Variants in DDC observed in about 807,000 individuals in gnomAD.
DDC encodes the protein aromatic-L-amino-acid decarboxylase.
In DDC, 43 loss-of-function variants were observed where a neutral mutation model predicts 60.0. The ratio of observed to expected loss-of-function variants is 0.72; its 90% CI spans 0.56 to 0.92. DDC has a LOEUF of 0.92. DDC is among the 40% of genes least tolerant of loss of function. The pLI, the probability that DDC is intolerant of heterozygous loss-of-function variation, is 0.00. For missense variants in DDC, 573 were observed against 620.2 expected (o/e 0.92, Z 0.81); for synonymous variants, 232 against 234.6 (o/e 0.99, Z 0.10).
chr7:50,490,962 T>C (rs915010188), intron 9 of DDC, among the ~76,000 whole-genome samples: 7 of 152,246 alleles, frequency 4.6e-5, no homozygotes, highest in African/African-American at 9.6e-5. Flanking sequence ...TAAACTATAG[T>C]ACATCTGTAA....
At chr7:50,498,753 G>A (rs1289954710) in intron 8 of DDC, among the ~76,000 whole-genome samples, 1 of 152,224 alleles carries the variant, frequency 6.6e-6, no homozygotes, top group Non-Finnish European at 1.5e-5. Context: ...TGAATATCAT[G>A]TTCAGATGTA....
intron 9 of DDC, among the ~76,000 whole-genome samples, chr7:50,482,220 A>G (rs974849642): frequency 4.6e-5 from 7 of 152,218 alleles, no homozygotes; most frequent in Non-Finnish European, 1.0e-4. Flanking sequence ...TATCCTGGTC[A>G]ACGTTTAGTA....
At chr7:50,461,366 G>A (rs572952699) in intron 14 of DDC, among the ~76,000 whole-genome samples, 30 of 152,274 alleles carry the variant, frequency 2.0e-4, no homozygotes, top group African/African-American at 7.0e-4. Context: ...GTAAAATCAA[G>A]ATATTAAGAT....
chr7:50,521,981 G>GAA (rs55723646), intron 6 of DDC, among the ~76,000 whole-genome samples: 1 of 151,686 alleles, frequency 6.6e-6, no homozygotes, highest in East Asian at 1.9e-4. Flanking sequence ...TGGAAGGAAA[G>GAA]AAAAAAAGTA....
chr7:50,488,772 ATTC>A (rs2042938219), intron 9 of DDC, among the ~76,000 whole-genome samples: 1 of 152,180 alleles, frequency 6.6e-6, no homozygotes, highest in Admixed American at 6.5e-5. Context: ...GTACTGGTTT[ATTC>A]TTAATAAAAT....
intron 14 of DDC, among the ~76,000 whole-genome samples, chr7:50,460,074 C>A (rs1412609862): frequency 1.4e-5 from 2 of 139,496 alleles, no homozygotes; most frequent in Non-Finnish European, 3.1e-5. Context: ...GTCAGCCCCC[C>A]GCCCGGCCAG....
intron 9 of DDC, among the ~76,000 whole-genome samples, chr7:50,488,600 T>C (rs1170757604): frequency 2.0e-5 from 3 of 151,566 alleles, no homozygotes; most frequent in Non-Finnish European, 4.4e-5. Flanking sequence ...TAAGTCATAA[T>C]AAGGTTTATA....
chr7:50,546,780 C>T (rs936672388), intron 1 of DDC, among the ~76,000 whole-genome samples: 4 of 152,222 alleles, frequency 2.6e-5, no homozygotes, highest in African/African-American at 9.6e-5. Flanking sequence ...CTAGTGAGTG[C>T]TTGAGTGGCA....
Position 50,467,229 on chromosome 7 carries a change from G to A in DDC, c.1227C>T (p.Val409=), listed in dbSNP as rs771947566. The change falls in exon 13 of 15, where the codon GTC becomes GTT. Residue 409 remains valine (V), a synonymous_variant. Coordinates refer to ENST00000444124, the MANE Select transcript of DDC (RefSeq NM_001082971.2). ...GTAGACAAACCTTTAGCCGAAAGCA[G>A]ACAAGCCCCAGAATGACTTCCACAC... ...EICVEVILGL[V]CFRLKGSNKV... is the part of the protein sequence containing the mutation. The A allele has an allele frequency of 6.2e-7, 1 of 1,614,012 alleles. No homozygotes were observed. The highest frequency in any genetic ancestry group is 1.1e-5 in the South Asian group (1 of 91,076).
intron 6 of DDC, among the ~76,000 whole-genome samples, chr7:50,506,490 C>T (rs2043399582): frequency 6.6e-6 from 1 of 151,970 alleles, no homozygotes; most frequent in South Asian, 2.1e-4. Context: ...TACCCTAGAA[C>T]TTATAATAAA....
chr7:50,544,140 C>T, intron 1 of DDC, 27 bp from the exon 2 acceptor site: 1 of 1,562,438 alleles, frequency 6.4e-7, no homozygotes, highest in Non-Finnish European at 8.8e-7. Flanking sequence ...ATTCAGTGAG[C>T]AAATTTTGCA....
At chr7:50,543,573 A>T (rs958852409) in intron 2 of DDC, 3 of 414,558 alleles carry the variant, frequency 7.2e-6, no homozygotes, top group African/African-American at 6.1e-5. Context: ...AATGTATATG[A>T]GGACACGCTC....
At chr7:50,532,158 ACCAGGCTCCTGT>A (rs2044237702) in intron 4 of DDC, among the ~76,000 whole-genome samples, 1 of 152,180 alleles carries the variant, frequency 6.6e-6, no homozygotes, top group African/African-American at 2.4e-5. Context: ...ACAGGCTGTC[ACCAGGCTCCTGT>A]GCTCTTTGGG....
At chr7:50,549,152 A>T (rs2044899981) in intron 1 of DDC, among the ~76,000 whole-genome samples, 1 of 152,242 alleles carries the variant, frequency 6.6e-6, no homozygotes, top group African/African-American at 2.4e-5. Context: ...CAAGAGCAAG[A>T]TGTACAAGGA....
intron 5 of DDC, among the ~76,000 whole-genome samples, chr7:50,528,580 T>A (rs2044105652): frequency 6.6e-6 from 1 of 152,154 alleles, no homozygotes; most frequent in South Asian, 2.1e-4. Flanking sequence ...CAAGGATAAG[T>A]GGCGAGACCC....
rs527475434 is a variant in DDC, at chr7:50,545,240, T to G, written c.-28-1127A>C. ...CACATTCTCCACTACGCTACACATA[T>G]GTACGTCCCTGAGTGGTCTCAAAAG... On this transcript the variant is annotated intron_variant, in intron 1 of 14. Coordinates refer to ENST00000444124, the MANE Select transcript of DDC (RefSeq NM_001082971.2). 8.5e-5 allele frequency among the ~76,000 whole-genome samples: 13 copies of G among 152,352 alleles called. No homozygotes were observed. In the East Asian group the frequency reaches 1.7e-3, roughly 20 times the overall value.
At chr7:50,469,626 T>A (rs779410718) in intron 12 of DDC, among the ~76,000 whole-genome samples, 2 of 152,202 alleles carry the variant, frequency 1.3e-5, no homozygotes, top group Admixed American at 6.5e-5. Flanking sequence ...ATCTTATAAA[T>A]AACCTCATCT....
At chr7:50,508,723 C>G (rs143825624) in intron 6 of DDC, among the ~76,000 whole-genome samples, 6 of 152,142 alleles carry the variant, frequency 3.9e-5, no homozygotes, top group Non-Finnish European at 7.3e-5. Context: ...CCCAGAAGGA[C>G]GCATATAGTC....
chr7:50,541,672 T>C (rs62447474), intron 2 of DDC, among the ~76,000 whole-genome samples: 3,599 of 152,308 alleles, frequency 0.024, 64 homozygotes, highest in Non-Finnish European at 0.04. Flanking sequence ...GATCTCAGAC[T>C]TCCTGTCTCT....
Sources: gnomAD v4.1 joint callset for allele counts (sites outside exome capture counted in the v4.1 genomes callset) on GRCh38, gnomAD v4.1.1 for gene constraint, MANE v1.5 for transcripts, NCBI Gene and HGNC (gene_info 2026-07-23, HGNC 2026-07-21) for gene names.